TRPM3: variants seen among roughly 807,000 people sequenced by gnomAD.
TRPM3 encodes the protein transient receptor potential cation channel subfamily M member 3, also known as long transient receptor potential channel 3.
In TRPM3, 77 loss-of-function variants were observed where a neutral mutation model predicts 181.2. The ratio of observed to expected loss-of-function variants is 0.42; its 90% CI spans 0.35 to 0.51. The LOEUF is 0.51. TRPM3 is among the 20% of genes least tolerant of loss of function. The pLI is 0.01. For synonymous variants in TRPM3, 745 were observed against 796.4 expected (o/e 0.94, Z 1.09); for missense variants, 1,759 against 2,196.7 (o/e 0.80, Z 3.98).
At chr9:71,278,413 A>G (rs2084392496) in intron 1 of TRPM3, among the ~76,000 whole-genome samples, 2 of 152,226 alleles carry the variant, frequency 1.3e-5, no homozygotes, top group Non-Finnish European at 2.9e-5. Flanking sequence ...AGGTAAGAGC[A>G]CCACAGTACC....
At chr9:71,415,390 T>C (rs1390615580) in intron 1 of TRPM3, among the ~76,000 whole-genome samples, 1 of 152,098 alleles carries the variant, frequency 6.6e-6, no homozygotes, top group Non-Finnish European at 1.5e-5. Context: ...GATGTAAATA[T>C]GGTAGACCTA....
intron 1 of TRPM3, among the ~76,000 whole-genome samples, chr9:71,106,126 T>C (rs913131532): frequency 6.6e-6 from 1 of 152,162 alleles, no homozygotes; most frequent in African/African-American, 2.4e-5. Flanking sequence ...AAAGTCAGTT[T>C]AGATGTAAAG....
chr9:71,165,295 T>G (rs2076485329), intron 1 of TRPM3, among the ~76,000 whole-genome samples: 1 of 152,174 alleles, frequency 6.6e-6, no homozygotes, highest in Non-Finnish European at 1.5e-5. Context: ...CAGTGCCTGG[T>G]CTATAGATAG....
At chr9:71,039,093 A>T (rs756601302) in intron 1 of TRPM3, among the ~76,000 whole-genome samples, 2 of 152,172 alleles carry the variant, frequency 1.3e-5, no homozygotes, top group Non-Finnish European at 2.9e-5. Context: ...ATGACCTTGC[A>T]TATTAATCAC....
At chr9:71,070,947 C>A (rs1413340259) in intron 1 of TRPM3, among the ~76,000 whole-genome samples, 3 of 152,186 alleles carry the variant, frequency 2.0e-5, no homozygotes, top group African/African-American at 7.2e-5. Context: ...AAGGTTGTTA[C>A]AACCCTGTAT....
chr9:71,061,767 A>G (rs2061362304), intron 1 of TRPM3, among the ~76,000 whole-genome samples: 1 of 152,066 alleles, frequency 6.6e-6, no homozygotes, highest in Non-Finnish European at 1.5e-5. Flanking sequence ...TGTGCTTAGT[A>G]TCCTTGAACT....
At chr9:71,249,995 C>G (rs2082249792) in intron 1 of TRPM3, among the ~76,000 whole-genome samples, 1 of 152,194 alleles carries the variant, frequency 6.6e-6, no homozygotes, top group African/African-American at 2.4e-5. Flanking sequence ...ATGTGAAATA[C>G]TAGTCTTTCA....
intron 1 of TRPM3, among the ~76,000 whole-genome samples, chr9:71,215,603 G>A (rs1716841966): frequency 2.0e-5 from 3 of 152,128 alleles, no homozygotes. Context: ...TACTACTAAT[G>A]AACACACTAA....
chr9:71,229,689 A>G (rs2080922869), intron 1 of TRPM3, among the ~76,000 whole-genome samples: 1 of 152,202 alleles, frequency 6.6e-6, no homozygotes, highest in Non-Finnish European at 1.5e-5. Context: ...AACATGCTCA[A>G]GCTCACTGAT....
intron 1 of TRPM3, among the ~76,000 whole-genome samples, chr9:71,144,010 A>C (rs1326885563): frequency 6.6e-6 from 1 of 152,118 alleles, no homozygotes; most frequent in African/African-American, 2.4e-5. Flanking sequence ...AATTTAGTTA[A>C]TTGAGCTGCC....
At chr9:70,869,691 C>T (rs2095746702) in intron 1 of TRPM3, among the ~76,000 whole-genome samples, 1 of 152,006 alleles carries the variant, frequency 6.6e-6, no homozygotes, top group Non-Finnish European at 1.5e-5. Context: ...TCTTATCCTG[C>T]TGCCCCTCTA....
chr9:71,160,242 T>C (rs2076213618), intron 1 of TRPM3, among the ~76,000 whole-genome samples: 1 of 152,152 alleles, frequency 6.6e-6, no homozygotes, highest in Non-Finnish European at 1.5e-5. Flanking sequence ...CTCAATGAAT[T>C]ATTCTTGACC....
At chr9:70,898,763 A>G (rs147082026) in intron 1 of TRPM3, among the ~76,000 whole-genome samples, 2,332 of 141,736 alleles carry the variant, frequency 0.016, 25 homozygotes, top group Middle Eastern at 0.027. Flanking sequence ...AAAAAAAAAA[A>G]AAAGAAAAGA....
intron 1 of TRPM3, among the ~76,000 whole-genome samples, chr9:70,911,009 T>C (rs1021556451): frequency 6.6e-6 from 1 of 152,252 alleles, no homozygotes; most frequent in African/African-American, 2.4e-5. Flanking sequence ...TGGGATGTTA[T>C]TCAGGTTTAC....
intron 7 of TRPM3, among the ~76,000 whole-genome samples, chr9:70,771,052 C>T (rs117176528): frequency 1.0e-3 from 158 of 152,248 alleles, no homozygotes; most frequent in Non-Finnish European, 1.9e-3. Flanking sequence ...GGATCATATT[C>T]ATCAAAAGTC....
At position 70,529,368 on chromosome 9, in the gene TRPM3, AATG is replaced by A. The variant is rs1484362083; in HGVS notation, c.*6582_*6584del. The A allele has an allele frequency of 6.6e-6, 1 of 152,256 alleles. No individual in the cohort carries two copies. 9.4% of individuals were successfully genotyped at this position (152,256 alleles called of 1,614,324 possible). ...TTGTATTTGTAGGAATTCATTTAAA[AATG>A]ATATCTGAATAATTTCCCCCATTAT... On this transcript the variant is annotated 3_prime_UTR_variant, in exon 26 of 26. Coordinates refer to ENST00000677713, the MANE Select transcript of TRPM3 (RefSeq NM_001366145.2).
chr9:71,209,734 T>C (rs1417209607), intron 1 of TRPM3, among the ~76,000 whole-genome samples: 1 of 152,132 alleles, frequency 6.6e-6, no homozygotes, highest in African/African-American at 2.4e-5. Flanking sequence ...ATTAAATAGT[T>C]GGAAAAAATC....
chr9:70,550,603 G>T (rs1466453408), intron 24 of TRPM3, among the ~76,000 whole-genome samples: 1 of 152,216 alleles, frequency 6.6e-6, no homozygotes, highest in East Asian at 1.9e-4. Flanking sequence ...ATGAATCAGG[G>T]TTATGGGGAG....
intron 1 of TRPM3, among the ~76,000 whole-genome samples, chr9:71,356,357 T>C (rs1298341461): frequency 6.6e-6 from 1 of 152,058 alleles, no homozygotes; most frequent in African/African-American, 2.4e-5. Context: ...GTGTGTGTTG[T>C]TTCCCTGTAT....
Sources: gnomAD v4.1 joint callset for allele counts (sites outside exome capture counted in the v4.1 genomes callset) on GRCh38, gnomAD v4.1.1 for gene constraint, MANE v1.5 for transcripts, NCBI Gene and HGNC (gene_info 2026-07-23, HGNC 2026-07-21) for gene names.